Variants in PLCL2 observed in about 807,000 individuals in gnomAD.
PLCL2 encodes the protein phospholipase C like 2.
PLCL2 carries 4 observed loss-of-function variants against 79.6 expected under a neutral mutation model. The ratio of observed to expected loss-of-function variants is 0.05; its 90% confidence interval spans 0.02 to 0.11. PLCL2 has a LOEUF of 0.11. PLCL2 is among the 10% of genes least tolerant of loss of function. The probability of loss-of-function intolerance (pLI) is 1.00; values close to 1 mark genes in which losing one functional copy is unlikely to be tolerated. For synonymous variants in PLCL2, 484 were observed against 457.7 expected (o/e 1.06, Z -0.73); for missense variants, 895 against 1,291.0 (o/e 0.69, Z 4.70).
chr3:16,962,932 A>G (rs941395291), intron 1 of PLCL2, among the ~76,000 whole-genome samples: 2 of 152,164 alleles, frequency 1.3e-5, no homozygotes, highest in Admixed American at 6.5e-5. Flanking sequence ...ACTTGAACCA[A>G]TATATCTTTT....
intron 3 of PLCL2, among the ~76,000 whole-genome samples, chr3:17,030,953 T>C (rs2064574460): frequency 6.6e-6 from 1 of 151,906 alleles, no homozygotes; most frequent in Non-Finnish European, 1.5e-5. Flanking sequence ...GTACTATGTT[T>C]AATTCAAATT....
intron 4 of PLCL2, among the ~76,000 whole-genome samples, chr3:17,053,375 T>G (rs996260599): frequency 2.6e-5 from 4 of 152,086 alleles, no homozygotes; most frequent in Non-Finnish European, 5.9e-5. Context: ...GGGGATGGTG[T>G]TGAACCATTC....
chr3:17,018,041 G>C (rs1242405342), intron 3 of PLCL2, among the ~76,000 whole-genome samples: 1 of 152,128 alleles, frequency 6.6e-6, no homozygotes, highest in Non-Finnish European at 1.5e-5. Flanking sequence ...GAGCCATTCA[G>C]GAGTGGAGAA....
rs76403447 is a variant in PLCL2, at chr3:17,087,738, G to A, written c.3205-1995G>A. Reference sequence around the variant, plus strand: ...GATGTGGCTACTAGAGAAGGTTTGCGTAGGGAGGGAGCGTAAGGGAACTCT... The same window carrying A: ...GATGTGGCTACTAGAGAAGGTTTGCATAGGGAGGGAGCGTAAGGGAACTCT... On this transcript the variant is annotated intron_variant, in intron 5 of 5. Transcript: ENST00000615277. 1.3e-4 allele frequency among the ~76,000 whole-genome samples: 20 copies of A among 152,230 alleles called. No homozygotes were observed. In the Middle Eastern group the frequency reaches 0.01, roughly 78 times the overall value.
At chr3:17,006,302 G>A (rs1306326073) in intron 1 of PLCL2, among the ~76,000 whole-genome samples, 1 of 152,162 alleles carries the variant, frequency 6.6e-6, no homozygotes, top group African/African-American at 2.4e-5. Context: ...GCAATTTGGG[G>A]CTCAGTCTCC....
intron 5 of PLCL2, among the ~76,000 whole-genome samples, chr3:17,083,052 G>A (rs528020319): frequency 6.6e-6 from 1 of 152,044 alleles, no homozygotes; most frequent in Non-Finnish European, 1.5e-5. Context: ...ATACAGCAGT[G>A]ATCAGAAGAC....
chr3:16,981,372 A>G (rs1472444534), intron 1 of PLCL2, among the ~76,000 whole-genome samples: 2 of 152,166 alleles, frequency 1.3e-5, no homozygotes, highest in Non-Finnish European at 2.9e-5. Context: ...AAAGGTTTAT[A>G]TTGATGGTCT....
chr3:17,016,556 C>T (rs775839433), intron 3 of PLCL2, among the ~76,000 whole-genome samples: 3 of 152,164 alleles, frequency 2.0e-5, no homozygotes, highest in Non-Finnish European at 4.4e-5. Flanking sequence ...CTCATATGAA[C>T]AGCCCCATCC....
intron 4 of PLCL2, among the ~76,000 whole-genome samples, chr3:17,059,749 C>T (rs1252774110): frequency 1.3e-5 from 2 of 151,972 alleles, no homozygotes; most frequent in South Asian, 2.1e-4. Flanking sequence ...GGGAGGGAAA[C>T]AAGGAGGCTG....
chr3:17,055,604 A>G (rs147726845), intron 4 of PLCL2, among the ~76,000 whole-genome samples: 3 of 152,288 alleles, frequency 2.0e-5, no homozygotes, highest in Non-Finnish European at 4.4e-5. Flanking sequence ...CACGAATGTT[A>G]TTTTTCATAC....
chr3:16,998,257 A>C (rs1280635168), intron 1 of PLCL2, among the ~76,000 whole-genome samples: 1 of 152,200 alleles, frequency 6.6e-6, no homozygotes, highest in Non-Finnish European at 1.5e-5. Flanking sequence ...AGGGGAAAGA[A>C]AATTAATGAT....
chr3:16,922,738 A>C (rs114424245), intron 1 of PLCL2, among the ~76,000 whole-genome samples: 2 of 149,370 alleles, frequency 1.3e-5, no homozygotes, highest in African/African-American at 4.8e-5. Flanking sequence ...TATTATTAAG[A>C]AAAAATATAT....
chr3:17,059,107 G>A lies in PLCL2; in HGVS notation c.3095-8849G>A, dbSNP rs140170300. 5.0e-3 allele frequency among the ~76,000 whole-genome samples: 755 copies of A among 152,196 alleles called. 6 individuals carry two copies. The highest frequency in any genetic ancestry group is 0.017 in the African/African-American group (692 of 41,544). ...CAAATACTTAGGGAAAGTCATATGT[G>A]CAAAGGTTTTTGTTGTAATATTGAG... On this transcript the variant is annotated intron_variant, in intron 4 of 5. Coordinates refer to ENST00000615277, the MANE Select transcript of PLCL2 (RefSeq NM_001144382.2).
At chr3:16,896,529 A>G (rs1237083850) in intron 1 of PLCL2, among the ~76,000 whole-genome samples, 2 of 152,230 alleles carry the variant, frequency 1.3e-5, no homozygotes, top group African/African-American at 4.8e-5. Flanking sequence ...AAGTTTTAAT[A>G]TTTGAAAATG....
intron 1 of PLCL2, among the ~76,000 whole-genome samples, chr3:16,974,611 A>T (rs1421140286): frequency 1.9e-4 from 29 of 152,192 alleles, no homozygotes. Context: ...TACAAGTAAG[A>T]TGCTCTTGAG....
intron 1 of PLCL2, among the ~76,000 whole-genome samples, chr3:16,952,360 C>CAAA (rs35421244): frequency 0.11 from 2,396 of 22,618 alleles, 609 homozygotes; most frequent in Non-Finnish European, 0.13. Flanking sequence ...GAACTTAAAG[C>CAAA]AAAAAAAAAA....
chr3:16,994,703 T>C (rs990980755), intron 1 of PLCL2, among the ~76,000 whole-genome samples: 1 of 152,212 alleles, frequency 6.6e-6, no homozygotes. Context: ...GTGGTGCTCT[T>C]TGAGTTCATT....
intron 1 of PLCL2, among the ~76,000 whole-genome samples, chr3:16,907,630 A>G (rs1696781004): frequency 6.6e-6 from 1 of 152,178 alleles, no homozygotes; most frequent in Non-Finnish European, 1.5e-5. Context: ...GGGGTCACCT[A>G]TTGGCCTTAG....
chr3:16,958,105 T>C (rs2063723820), intron 1 of PLCL2, among the ~76,000 whole-genome samples: 1 of 152,244 alleles, frequency 6.6e-6, no homozygotes, highest in Non-Finnish European at 1.5e-5. Context: ...CGTTAGTTGA[T>C]GCAGTTTCTT....
Sources: allele counts gnomAD v4.1 joint callset (sites outside exome capture counted in the v4.1 genomes callset), GRCh38; gene constraint gnomAD v4.1.1; transcripts MANE v1.5; gene names NCBI Gene and HGNC (gene_info 2026-07-23, HGNC 2026-07-21).